Variants in DYNC1H1 observed in about 807,000 individuals in gnomAD.
The protein encoded by DYNC1H1 is cytoplasmic dynein 1 heavy chain 1.
In DYNC1H1, 51 loss-of-function variants were observed where a neutral mutation model predicts 527.1. The ratio of observed to expected loss-of-function variants is 0.10; its 90% confidence interval spans 0.08 to 0.12. DYNC1H1 has a LOEUF of 0.12. Among genes scored for constraint, DYNC1H1 ranks in the 10% least tolerant of loss-of-function variants. The pLI is 1.00. For synonymous variants in DYNC1H1, 2,189 were observed against 2,278.8 expected (o/e 0.96, Z 1.12); for missense variants, 2,771 against 5,971.8 (o/e 0.46, Z 17.66).
intron 72 of DYNC1H1, chr14:102,045,053 A>G: frequency 3.2e-6 from 1 of 316,924 alleles, no homozygotes; most frequent in Non-Finnish European, 6.1e-6. Flanking sequence ...CTATAATCCC[A>G]GCACTTTGGG....
rs142762932 is a variant in DYNC1H1, at chr14:101,984,140, T to TTG, written c.1461+545_1461+546dup. Among the ~76,000 whole-genome samples, 355 of 151,122 alleles carry TTG rather than the reference T, an allele frequency of 2.3e-3. 1 individual carries two copies. Among genetic ancestry groups the TTG allele is most frequent in the Non-Finnish European group, 3.3e-3 (223 of 67,702 alleles). ...ACCCCACCATGCCCAGCTAATTTAT[T>TTG]TGTGTGTGTGTGTGTTGGCGGGAGG... On this transcript the variant is annotated intron_variant, in intron 7 of 77. Transcript: ENST00000360184.
At position 102,033,504 on chromosome 14, in the gene DYNC1H1, T is replaced by G. The variant is rs775282303; in HGVS notation, c.10413+20T>G. On this transcript the variant is annotated intron_variant, in intron 54 of 77. Coordinates refer to ENST00000360184, the MANE Select transcript of DYNC1H1 (RefSeq NM_001376.5). This position sits in a 1 kb window ranked among gnomAD's most constrained non-coding sequence, Gnocchi z 5.6. Reference sequence around the variant, plus strand: ...GCAAAAGTAAGATTATCATCATTGATCCTCAGCCTTTCCTGCTGTGGAAGC... The same window carrying G: ...GCAAAAGTAAGATTATCATCATTGAGCCTCAGCCTTTCCTGCTGTGGAAGC... 6.2e-7 allele frequency: 1 copy of G among 1,613,446 alleles called. No individual in the cohort carries two copies. The highest frequency in any genetic ancestry group is 8.5e-7 in the Non-Finnish European group (1 of 1,179,760).
rs761234231 is a variant in DYNC1H1, at chr14:102,002,771, A to G, written c.4710-21A>G. 7.4e-6 allele frequency: 12 copies of G among 1,614,260 alleles called. No individual in the cohort carries two copies. Among genetic ancestry groups the G allele is most frequent in the South Asian group, 1.1e-5 (1 of 91,088 alleles). ...GACTACTCTACACAAAGGCTGACGC[A>G]TGTTTTAATTTCATTTGTAGCATCA... On this transcript the variant is annotated intron_variant, in intron 22 of 77. Coordinates refer to ENST00000360184, the MANE Select transcript of DYNC1H1 (RefSeq NM_001376.5). This position sits in a 1 kb window ranked among gnomAD's most constrained non-coding sequence, Gnocchi z 4.4.
At position 102,018,919 on chromosome 14, in the gene DYNC1H1, A is replaced by C. The variant is rs2152584025; in HGVS notation, c.8343+303A>C. 6.6e-6 allele frequency among the ~76,000 whole-genome samples: 1 copy of C among 152,366 alleles called. No homozygotes were observed. Among genetic ancestry groups the C allele is most frequent in the Non-Finnish European group, 1.5e-5 (1 of 68,036 alleles). ...TGAGCCATGATTGTGCCACTGCACC[A>C]GCCTGGGTGACAGAGTGAGACTCTA... On this transcript the variant is annotated intron_variant, in intron 41 of 77. Transcript: ENST00000360184. This position sits in a 1 kb window ranked among gnomAD's most constrained non-coding sequence, Gnocchi z 5.2.
intron 51 of DYNC1H1, chr14:102,030,600 T>A (rs1002612997): frequency 2.9e-6 from 1 of 342,620 alleles, no homozygotes; most frequent in Non-Finnish European, 5.5e-6. Context: ...TATTTATCAA[T>A]CCCTGACTTG....
Position 102,010,635 on chromosome 14 carries a change from G to A in DYNC1H1, c.6406-105G>A, listed in dbSNP as rs1393159141. The A allele has an allele frequency of 1.7e-5, 26 of 1,529,388 alleles. No individual in the cohort carries two copies. Among genetic ancestry groups the A allele is most frequent in the South Asian group, 3.5e-5 (3 of 86,770 alleles). The allele number at this position is 1,529,388 out of a possible 1,614,324, so 94.7% of individuals were successfully genotyped here. ...GCACGAATGTGGGCGAGTGGTGCTCGCACCCTTTGTTCACCAACAGTTACT... is the reference window on the plus strand; with the variant it reads ...GCACGAATGTGGGCGAGTGGTGCTCACACCCTTTGTTCACCAACAGTTACT... On this transcript the variant is annotated intron_variant, in intron 31 of 77. Coordinates refer to ENST00000360184, the MANE Select transcript of DYNC1H1 (RefSeq NM_001376.5). The surrounding 1 kb of genome is among the most constrained non-coding windows in gnomAD (Gnocchi z 6.0).
At position 101,986,774 on chromosome 14, in the gene DYNC1H1, A is replaced by T; in HGVS notation, c.2538+11A>T. 2.5e-6 allele frequency: 4 copies of T among 1,613,690 alleles called. No homozygotes were observed. Among genetic ancestry groups the T allele is most frequent in the Non-Finnish European group, 3.4e-6 (4 of 1,179,624 alleles). On this transcript the variant is annotated intron_variant, in intron 8 of 77. Transcript: ENST00000360184. This position sits in a 1 kb window ranked among gnomAD's most constrained non-coding sequence, Gnocchi z 8.7. ...AACTTCCAAGAAAAGGTATGCTCTC[A>T]TGTAATCCTCAGGTGTCCTGGTAAC...
chr14:102,038,668 G>T lies in DYNC1H1; in HGVS notation c.11056-30G>T. ...GGATGTGGTTTTGAAACTGGATTAA[G>T]ACAGACTGTTCTGTTACCTATTTTG... On this transcript the variant is annotated intron_variant, in intron 58 of 77. Coordinates refer to ENST00000360184, the MANE Select transcript of DYNC1H1 (RefSeq NM_001376.5). The surrounding 1 kb of genome is among the most constrained non-coding windows in gnomAD (Gnocchi z 7.2). The T allele has an allele frequency of 6.2e-7, 1 of 1,614,228 alleles. No homozygotes were observed. The highest frequency in any genetic ancestry group is 8.5e-7 in the Non-Finnish European group (1 of 1,180,052).
At chr14:102,046,255 A>G (rs1271263113) in intron 72 of DYNC1H1, among the ~76,000 whole-genome samples, 1 of 152,080 alleles carries the variant, frequency 6.6e-6, no homozygotes. Context: ...ACTGGCCTTC[A>G]CAAAGCCTCC....
At chr14:102,008,471 T>A in intron 29 of DYNC1H1, 134 bp downstream of exon 29, 1 of 1,259,608 alleles carries the variant, frequency 7.9e-7, no homozygotes, top group Non-Finnish European at 1.1e-6. Context: ...GGCAGTGTAG[T>A]GAGCTGTGGT....
In DYNC1H1 at chr14:102,048,733, C is replaced by A. The variant is rs563368416; in HGVS notation, c.13372+64C>A. On this transcript the variant is annotated intron_variant, in intron 74 of 77. Transcript: ENST00000360184. ...GGCACCTTGGCCAGGGGCCACAACC[C>A]AGCCCAGCCACACAGCACCACGTGC... is the stretch of plus-strand genomic sequence containing the variant. 7 of 1,584,456 alleles carry A rather than the reference C, an allele frequency of 4.4e-6. No homozygotes were observed. In the African/African-American group the frequency reaches 5.4e-5, roughly 12 times the overall value.
rs1488237575 is a variant in DYNC1H1, at chr14:101,975,879, A to T, written c.344+80A>T. On this transcript the variant is annotated intron_variant, in intron 2 of 77. Coordinates refer to ENST00000360184, the MANE Select transcript of DYNC1H1 (RefSeq NM_001376.5). ...ATGAATCTTTTTTCTTTTCAAACTCAGAAATTCTTACTAAGAGAATTAATA... is the reference window on the plus strand; with the variant it reads ...ATGAATCTTTTTTCTTTTCAAACTCTGAAATTCTTACTAAGAGAATTAATA... The T allele has an allele frequency of 4.3e-6, 5 of 1,149,810 alleles. No homozygotes were observed. The East Asian group carries it at 9.6e-5, about 22-fold the overall frequency. 71.2% of individuals were successfully genotyped at this position (1,149,810 alleles called of 1,614,324 possible).
chr14:102,026,442 C>T, intron 43 of DYNC1H1, 132 bp from the exon 44 acceptor site: 1 of 969,692 alleles, frequency 1.0e-6, no homozygotes, highest in Admixed American at 2.7e-5. Context: ...TATTTTTTTG[C>T]TATGTTATAA....
chr14:102,001,735 C>T lies in DYNC1H1; in HGVS notation c.4542+54C>T. On this transcript the variant is annotated intron_variant, in intron 21 of 77. Transcript: ENST00000360184. This position sits in a 1 kb window ranked among gnomAD's most constrained non-coding sequence, Gnocchi z 5.0. ...CCACCAGTGGTCTCCCACGCTTTCA[C>T]TGTAATGCCTTTTCACTGACAGTTA... is the stretch of plus-strand genomic sequence containing the variant. 6.2e-7 allele frequency: 1 copy of T among 1,610,746 alleles called. No individual in the cohort carries two copies. The highest frequency in any genetic ancestry group is 2.2e-5 in the East Asian group (1 of 44,872).
At position 102,032,874 on chromosome 14, in the gene DYNC1H1, A is replaced by T. The variant is rs2048526075; in HGVS notation, c.10080-191A>T. 4.7e-6 allele frequency: 3 copies of T among 635,126 alleles called. No homozygotes were observed. The South Asian group carries it at 5.9e-5, about 12-fold the overall frequency. The allele number at this position is 635,126 out of a possible 1,614,324, so 39.3% of individuals were successfully genotyped here. ...TCTCATTAAAAAAGAAGAAAGAAAAAAATTGTTCAAGTGTTGAGCACATTT... is the reference window on the plus strand; with the variant it reads ...TCTCATTAAAAAAGAAGAAAGAAAATAATTGTTCAAGTGTTGAGCACATTT... On this transcript the variant is annotated intron_variant, in intron 52 of 77. Coordinates refer to ENST00000360184, the MANE Select transcript of DYNC1H1 (RefSeq NM_001376.5).
At chr14:102,008,109 G>A (rs756533501) in intron 28 of DYNC1H1, 69 bp from the exon 29 acceptor site, 17 of 1,604,330 alleles carry the variant, frequency 1.1e-5, no homozygotes, top group South Asian at 6.6e-5. Context: ...CTGATTTGTG[G>A]CAAGGGAGAG....
Position 101,986,997 on chromosome 14 carries a change from G to C in DYNC1H1, c.2538+234G>C, listed in dbSNP as rs2047945025. Among the ~76,000 whole-genome samples, 1 of 152,220 alleles carries C rather than the reference G, an allele frequency of 6.6e-6. No homozygotes were observed. The highest frequency in any genetic ancestry group is 1.5e-5 in the Non-Finnish European group (1 of 68,052). On this transcript the variant is annotated intron_variant, in intron 8 of 77. Transcript: ENST00000360184. The surrounding 1 kb of genome is among the most constrained non-coding windows in gnomAD (Gnocchi z 8.7). Reference sequence around the variant, plus strand: ...TTTAGAAACAGGTGGAGAGCTAAAGGACACAGGAGTCCAACAGAGAGCAGA... The same window carrying C: ...TTTAGAAACAGGTGGAGAGCTAAAGCACACAGGAGTCCAACAGAGAGCAGA...
In DYNC1H1 at chr14:101,980,522, T is replaced by C; in HGVS notation, c.933T>C (p.His311=). 6.2e-7 allele frequency: 1 copy of C among 1,614,220 alleles called. No individual in the cohort carries two copies. Among genetic ancestry groups the C allele is most frequent in the Non-Finnish European group, 8.5e-7 (1 of 1,180,028 alleles). ...TCTTGAAACATGGCAAGCGCTTCCA[T>C]GCCACCGTCAGTTTTGACACTGACA... ...LDILKHGKRF[H]ATVSFDTDTG... is the part of the protein sequence containing the mutation. The change falls in exon 5 of 78, where the codon CAT becomes CAC. Residue 311 remains histidine (H), a synonymous_variant. Coordinates refer to ENST00000360184, the MANE Select transcript of DYNC1H1 (RefSeq NM_001376.5).
intron 72 of DYNC1H1, 182 bp from the exon 73 acceptor site, chr14:102,047,635 G>GTACATATATATATATATA (rs1434959122): frequency 5.0e-6 from 2 of 399,148 alleles, no homozygotes; most frequent in East Asian, 5.1e-5. Flanking sequence ...GTGTGTGTGT[G>GTACATATATATATATATA]TGTGTGTATA....
Sources: allele counts gnomAD v4.1 joint callset (sites outside exome capture counted in the v4.1 genomes callset), GRCh38; gene constraint gnomAD v4.1.1; non-coding constraint Gnocchi (gnomAD v3.1); transcripts MANE v1.5; gene names NCBI Gene and HGNC (gene_info 2026-07-23, HGNC 2026-07-21).